GCM2: variants seen among roughly 807,000 people sequenced by gnomAD.
GCM2 encodes GCM transcription factor 2.
In GCM2, 21 loss-of-function variants were observed where a neutral mutation model predicts 24.8. The ratio of observed to expected loss-of-function variants is 0.85; its 90% CI spans 0.60 to 1.22. GCM2 has a LOEUF of 1.22. GCM2 is among the 50% of genes most tolerant of loss of function. GCM2 has a pLI of 0.00. For synonymous variants in GCM2, 222 were observed against 238.0 expected, an observed-to-expected ratio of 0.93 and a Z score of 0.62; for missense variants, 532 against 645.6, an observed-to-expected ratio of 0.82 and a Z score of 1.91.
Position 10,874,510 on chromosome 6 carries a change from C to T in GCM2, c.1006G>A (p.Ala336Thr). 1 of 1,614,198 alleles carries T rather than the reference C, an allele frequency of 6.2e-7. No individual in the cohort carries two copies. The highest frequency in any genetic ancestry group is 8.5e-7 in the Non-Finnish European group (1 of 1,180,042). ...FTNKQHGWKPALGKPSLVERT... is the reference protein window; with the variant it reads ...FTNKQHGWKPTLGKPSLVERT... The stretch of plus-strand genomic sequence containing the variant: ...TCCACAAGGCTGGGTTTTCCAAGAG[C>T]TGGTTTCCAGCCATGCTGTTTGTTG... The change falls in exon 5 of 5, where the codon GCT becomes ACT. Residue 336 changes from alanine to threonine, a missense_variant. Transcript: ENST00000379491.
rs1779877190 is a variant in GCM2, at chr6:10,876,370, G to A, written c.456+75C>T. The A allele has an allele frequency of 3.0e-6, 3 of 989,524 alleles. No individual in the cohort carries two copies. The South Asian group carries it at 3.9e-5, about 13-fold the overall frequency. 61.3% of individuals were successfully genotyped at this position (989,524 alleles called of 1,614,324 possible). Reference sequence around the variant, plus strand: ...TTTTGTTTGGCCCAGGGTTCCCAAGGCACACGACAGGTGGTTTGGCCTTTG... The same window carrying A: ...TTTTGTTTGGCCCAGGGTTCCCAAGACACACGACAGGTGGTTTGGCCTTTG... On this transcript the variant is annotated intron_variant, in intron 3 of 4. Transcript: ENST00000379491.
chr6:10,874,718 G>A lies in GCM2; in HGVS notation c.798C>T (p.Ile266=). The A allele has an allele frequency of 6.2e-7, 1 of 1,614,124 alleles. No homozygotes were observed. Among genetic ancestry groups the A allele is most frequent in the Non-Finnish European group, 8.5e-7 (1 of 1,179,970 alleles). The change falls in exon 5 of 5, where the codon ATC becomes ATT. Residue 266 remains isoleucine, a synonymous_variant. Coordinates refer to ENST00000379491, the MANE Select transcript of GCM2 (RefSeq NM_004752.4). ...PPFQKYSSPR[I]YLPRPPCSYE... is the part of the protein sequence containing the mutation. ...AGCTGCAAGGTGGCCTAGGCAAATA[G>A]ATTCTTGGGCTTGAGTATTTCTGGA...
rs1398507534 is a variant in GCM2, at chr6:10,878,200, G to A, written c.91-808C>T. On this transcript the variant is annotated intron_variant, in intron 1 of 4. Transcript: ENST00000379491. Reference sequence around the variant, plus strand: ...AATAATAAGTTGTATCTAAAATACTGAGCATTGCCTTAGTATTCATATTTG... The same window carrying A: ...AATAATAAGTTGTATCTAAAATACTAAGCATTGCCTTAGTATTCATATTTG... Among the ~76,000 whole-genome samples, 5 of 152,166 alleles carry A rather than the reference G, an allele frequency of 3.3e-5. No homozygotes were observed. The East Asian group carries it at 5.8e-4, about 18-fold the overall frequency.
intron 1 of GCM2, among the ~76,000 whole-genome samples, chr6:10,880,104 A>C (rs1779937597): frequency 6.6e-6 from 1 of 152,036 alleles, no homozygotes; most frequent in African/African-American, 2.4e-5. Context: ...AAAAATACAA[A>C]ATTAGCTGGG....
At chr6:10,878,894 AG>A (rs765828281) in intron 1 of GCM2, among the ~76,000 whole-genome samples, 16 of 152,326 alleles carry the variant, frequency 1.1e-4, no homozygotes, top group Admixed American at 5.2e-4. Flanking sequence ...AAGGCTCAGA[AG>A]AGTGTATAAT....
chr6:10,879,052 G>A (rs938177382), intron 1 of GCM2, among the ~76,000 whole-genome samples: 2 of 152,134 alleles, frequency 1.3e-5, no homozygotes, highest in African/African-American at 4.8e-5. Flanking sequence ...TAAGGTTAAT[G>A]GGTGATTTTG....
rs950598043 is a variant in GCM2, at chr6:10,873,366, T to G, written c.*629A>C. ...AAACTATCATGTTATGAAAAGGTTA[T>G]GAAAAGGTTAGGAAACTATCATGTT... On this transcript the variant is annotated 3_prime_UTR_variant, in exon 5 of 5. Transcript: ENST00000379491. The G allele has an allele frequency of 5.8e-5, 9 of 154,654 alleles. No homozygotes were observed. Among genetic ancestry groups the G allele is most frequent in the Non-Finnish European group, 1.3e-4 (9 of 69,612 alleles). The allele number at this position is 154,654 out of a possible 1,614,324, so 9.6% of individuals were successfully genotyped here.
chr6:10,881,147 T>TTTC (rs35599770), intron 1 of GCM2, among the ~76,000 whole-genome samples: 44,376 of 150,872 alleles, frequency 0.29, 7,492 homozygotes, highest in African/African-American at 0.46. Flanking sequence ...AGAAGACACA[T>TTTC]TTCTTCTTCT....
At position 10,881,703 on chromosome 6, in the gene GCM2, C is replaced by A; in HGVS notation, c.90+1G>T. 1 of 1,608,952 alleles carries A rather than the reference C, an allele frequency of 6.2e-7. No homozygotes were observed. The highest frequency in any genetic ancestry group is 8.5e-7 in the Non-Finnish European group (1 of 1,177,484). The stretch of plus-strand genomic sequence containing the variant: ...TGCCCGCACACACCCGGTTCACTTA[C>A]CTGAGGCATCTGCGGATCGTTGATG... On this transcript the variant is annotated splice_donor_variant, in intron 1 of 4. Coordinates refer to ENST00000379491, the MANE Select transcript of GCM2 (RefSeq NM_004752.4). LOFTEE classifies it high-confidence loss of function.
intron 1 of GCM2, among the ~76,000 whole-genome samples, chr6:10,880,332 C>T (rs989758858): frequency 2.0e-5 from 3 of 152,068 alleles, no homozygotes; most frequent in Non-Finnish European, 4.4e-5. Context: ...TAACCTACTA[C>T]AAATATATGG....
intron 1 of GCM2, 102 bp downstream of exon 1, chr6:10,881,601 TG>T: frequency 1.3e-5 from 8 of 597,656 alleles, no homozygotes; most frequent in African/African-American, 2.1e-5. Flanking sequence ...TGTGTGTGTG[TG>T]TGTGTATGGT....
chr6:10,876,701 G>A (rs994219018), intron 2 of GCM2, 144 bp from the exon 3 acceptor site: 14 of 681,982 alleles, frequency 2.1e-5, no homozygotes, highest in Admixed American at 1.0e-4. Context: ...AGGCCGAGGC[G>A]GGTGGATCAC....
At chr6:10,876,171 G>A (rs1779874878) in intron 3 of GCM2, among the ~76,000 whole-genome samples, 155 bp from the exon 4 acceptor site, 1 of 152,104 alleles carries the variant, frequency 6.6e-6, no homozygotes, top group East Asian at 1.9e-4. Context: ...AATAAAACAG[G>A]CTCAAGAATT....
Position 10,876,457 on chromosome 6 carries a change from C to T in GCM2, c.444G>A (p.Ala148=), listed in dbSNP as rs542569618. 5.6e-6 allele frequency: 9 copies of T among 1,608,064 alleles called. 1 individual carries two copies. The South Asian group carries it at 6.6e-5, about 12-fold the overall frequency. ...TCACCTGACCTACCTGAAAAAAGAT[C>T]GCGTTGCCATCAAGCCGCCAAAAGT... The part of the protein sequence containing the change: ...VTNFWRLDGN[A]IFFQAKGVHD... The change falls in exon 3 of 5, where the codon GCG becomes GCA. Residue 148 remains alanine, a synonymous_variant. Transcript: ENST00000379491.
chr6:10,881,609 T>C (rs1779960328), intron 1 of GCM2, 95 bp downstream of exon 1: 1 of 637,808 alleles, frequency 1.6e-6, no homozygotes, highest in Non-Finnish European at 2.7e-6. Flanking sequence ...TGTGTGTGTA[T>C]GGTCCGTCCG....
chr6:10,874,369 T>A lies in GCM2; in HGVS notation c.1147A>T (p.Ile383Phe). 6.2e-7 allele frequency: 1 copy of A among 1,614,208 alleles called. No homozygotes were observed. Among genetic ancestry groups the A allele is most frequent in the Non-Finnish European group, 8.5e-7 (1 of 1,180,042 alleles). The change falls in exon 5 of 5, where the codon ATC becomes TTC. Residue 383 changes from isoleucine to phenylalanine, a missense_variant. Coordinates refer to ENST00000379491, the MANE Select transcript of GCM2 (RefSeq NM_004752.4). ...PPGAPALQTV[I>F]TTTTKVSYQA... ...TAGGACACTTTAGTGGTGGTGGTGATCACGGTTTGTAGGGCAGGGGCACCT... is the reference window on the plus strand; with the variant it reads ...TAGGACACTTTAGTGGTGGTGGTGAACACGGTTTGTAGGGCAGGGGCACCT...
At chr6:10,878,110 C>T (rs541347983) in intron 1 of GCM2, among the ~76,000 whole-genome samples, 9 of 152,240 alleles carry the variant, frequency 5.9e-5, no homozygotes, top group Admixed American at 5.9e-4. Flanking sequence ...GCTTGTCTGG[C>T]ACGGGACTGC....
At position 10,875,931 on chromosome 6, in the gene GCM2, G is replaced by C. The variant is rs1779871388; in HGVS notation, c.542C>G (p.Ser181Cys). The C allele has an allele frequency of 6.2e-7, 1 of 1,613,874 alleles. No homozygotes were observed. The highest frequency in any genetic ancestry group is 8.5e-7 in the Non-Finnish European group (1 of 1,179,894). ...RRSAIKRQMA[S>C]FYQPQKKRIR... is the part of the protein sequence containing the mutation. ...TCTCTTTTTCTGGGGTTGGTAGAAAGAGGCCATTTGTCTCTTGATGGCGCT... is the reference window on the plus strand; with the variant it reads ...TCTCTTTTTCTGGGGTTGGTAGAAACAGGCCATTTGTCTCTTGATGGCGCT... Residue 181 changes from serine to cysteine, a missense_variant, in exon 4 of 5, where the codon TCT becomes TGT. Physicochemically the swap from Ser to Cys is moderately radical, Grantham distance 112. This residue lies in a region of GCM2 where 434 missense variants were observed against 521.9 expected (regional missense o/e 0.83). Coordinates refer to ENST00000379491, the MANE Select transcript of GCM2 (RefSeq NM_004752.4).
In GCM2 at chr6:10,881,906, G is replaced by C. The variant is rs969182807; in HGVS notation, c.-113C>G. 30 of 788,578 alleles carry C rather than the reference G, an allele frequency of 3.8e-5. No homozygotes were observed. The Admixed American group carries it at 5.8e-4, about 15-fold the overall frequency. 48.8% of individuals were successfully genotyped at this position (788,578 alleles called of 1,614,324 possible). On this transcript the variant is annotated 5_prime_UTR_variant, in exon 1 of 5. Coordinates refer to ENST00000379491, the MANE Select transcript of GCM2 (RefSeq NM_004752.4). The stretch of plus-strand genomic sequence containing the variant: ...CTTTAAAGAAGAAAGTGGGGTGTGT[G>C]AAGGGGAGGTGCAGAGAGAGAGAAA...
Sources: gnomAD v4.1 joint callset for allele counts (sites outside exome capture counted in the v4.1 genomes callset) on GRCh38, gnomAD v4.1.1 for gene constraint, gnomAD v4.1.1 regional missense constraint, MANE v1.5 for transcripts, NCBI Gene and HGNC (gene_info 2026-07-23, HGNC 2026-07-21) for gene names.